The following TTC27 variants were observed in gnomAD, a reference collection of about 807,000 sequenced individuals.
The protein encoded by TTC27 is tetratricopeptide repeat protein 27.
A neutral mutation model predicts 115.9 loss-of-function variants in TTC27; 79 were observed. That is an observed-to-expected ratio of 0.68 (90% confidence interval 0.57 to 0.82). TTC27 has a LOEUF of 0.82. Ranked by LOEUF, TTC27 falls within the 40% of genes least tolerant of loss-of-function variation. The pLI, the probability that TTC27 is intolerant of heterozygous loss-of-function variation, is 0.00. For synonymous variants in TTC27, 401 were observed against 356.0 expected (o/e 1.13, Z -1.42); for missense variants, 1,054 against 993.1 (o/e 1.06, Z -0.82).
intron 16 of TTC27, among the ~76,000 whole-genome samples, chr2:32,806,737 C>T (rs1458302405): frequency 6.6e-6 from 1 of 151,644 alleles, no homozygotes; most frequent in Non-Finnish European, 1.5e-5. Flanking sequence ...GCCAAGATCG[C>T]GCCACTGCAC....
Position 32,635,688 on chromosome 2 carries a change from A to G in TTC27, c.396+1683A>G, listed in dbSNP as rs142126978. 1.6e-4 allele frequency among the ~76,000 whole-genome samples: 25 copies of G among 152,196 alleles called. 1 individual carries two copies. In the East Asian group the frequency reaches 4.6e-3, roughly 28 times the overall value. ...GACAGAGTGAGACTCCATTTCAAAA[A>G]AAGAAAAAAGAAAAAGAATTGGGTG... On this transcript the variant is annotated intron_variant, in intron 3 of 19. Coordinates refer to ENST00000317907, the MANE Select transcript of TTC27 (RefSeq NM_017735.5).
intron 9 of TTC27, among the ~76,000 whole-genome samples, chr2:32,698,338 C>T (rs928605851): frequency 6.6e-6 from 1 of 151,726 alleles, no homozygotes; most frequent in Non-Finnish European, 1.5e-5. Context: ...TGCTATGCTG[C>T]CCAGACTGAT....
At chr2:32,707,553 C>G (rs1216625350) in intron 10 of TTC27, among the ~76,000 whole-genome samples, 2 of 152,110 alleles carry the variant, frequency 1.3e-5, no homozygotes, top group Non-Finnish European at 2.9e-5. Context: ...ACTTTTTGAT[C>G]TTTTTGTTAT....
intron 10 of TTC27, among the ~76,000 whole-genome samples, chr2:32,719,544 G>A (rs759994918): frequency 9.9e-5 from 15 of 152,162 alleles, no homozygotes; most frequent in African/African-American, 1.4e-4. Flanking sequence ...GAAGAACATT[G>A]GGCAGGAATG....
At chr2:32,645,141 GTTAT>G (rs570395168) in intron 4 of TTC27, among the ~76,000 whole-genome samples, 100 of 152,164 alleles carry the variant, frequency 6.6e-4, no homozygotes, top group African/African-American at 2.3e-3. Context: ...AATGTATCAA[GTTAT>G]TTATGATGAT....
intron 10 of TTC27, among the ~76,000 whole-genome samples, chr2:32,703,407 C>T (rs1271213960): frequency 6.6e-6 from 1 of 152,138 alleles, no homozygotes; most frequent in East Asian, 1.9e-4. Context: ...GCAAAGGTCG[C>T]AGTGAGCCGA....
intron 11 of TTC27, among the ~76,000 whole-genome samples, chr2:32,735,747 C>A (rs1668433173): frequency 6.6e-6 from 1 of 152,074 alleles, no homozygotes; most frequent in African/African-American, 2.4e-5. Flanking sequence ...TGCATAAGCA[C>A]CAAGATTTAT....
chr2:32,671,793 T>A (rs1318095224), intron 7 of TTC27, among the ~76,000 whole-genome samples: 1 of 152,172 alleles, frequency 6.6e-6, no homozygotes, highest in East Asian at 1.9e-4. Context: ...GACACAGAGT[T>A]GGGAAGTTGA....
chr2:32,731,650 G>C (rs141601669), intron 10 of TTC27, among the ~76,000 whole-genome samples: 1 of 152,124 alleles, frequency 6.6e-6, no homozygotes, highest in Non-Finnish European at 1.5e-5. Flanking sequence ...AAGTGCTTGG[G>C]GTGGCACCCA....
intron 18 of TTC27, among the ~76,000 whole-genome samples, chr2:32,815,982 C>A (rs894657093): frequency 2.0e-5 from 3 of 152,128 alleles, no homozygotes; most frequent in African/African-American, 4.8e-5. Flanking sequence ...TTTTGCCAGG[C>A]ACAGGCAGCC....
At chr2:32,787,203 C>A in intron 16 of TTC27, 54 bp downstream of exon 16, 1 of 1,540,166 alleles carries the variant, frequency 6.5e-7, no homozygotes, top group South Asian at 1.3e-5. Context: ...AATCCTTGAT[C>A]ATATGGTATA....
chr2:32,759,431 CAT>C (rs1233990434), intron 13 of TTC27, among the ~76,000 whole-genome samples: 3 of 152,008 alleles, frequency 2.0e-5, no homozygotes, highest in Non-Finnish European at 4.4e-5. Flanking sequence ...TGGTAAAAAA[CAT>C]AGAAAAATTA....
Position 32,781,196 on chromosome 2 carries a change from G to A in TTC27, c.1780-1430G>A, listed in dbSNP as rs1049721629. Reference sequence around the variant, plus strand: ...TACGACAAGCAGTTCCAGCAGTCAGGCTGCTTTCATTTGGATATTTTAACA... The same window carrying A: ...TACGACAAGCAGTTCCAGCAGTCAGACTGCTTTCATTTGGATATTTTAACA... On this transcript the variant is annotated intron_variant, in intron 14 of 19. Coordinates refer to ENST00000317907, the MANE Select transcript of TTC27 (RefSeq NM_017735.5). Among the ~76,000 whole-genome samples, 3 of 152,256 alleles carry A rather than the reference G, an allele frequency of 2.0e-5. No homozygotes were observed. In the East Asian group the frequency reaches 5.8e-4, roughly 29 times the overall value.
intron 9 of TTC27, among the ~76,000 whole-genome samples, chr2:32,688,977 C>G (rs560641772): frequency 6.6e-6 from 1 of 152,102 alleles, no homozygotes; most frequent in Admixed American, 6.6e-5. Flanking sequence ...TCCATCAAAA[C>G]AAATGAGTGA....
chr2:32,794,314 CA>C (rs1210907186), intron 16 of TTC27, among the ~76,000 whole-genome samples: 4 of 151,940 alleles, frequency 2.6e-5, no homozygotes, highest in African/African-American at 9.6e-5. Context: ...AGAAAATTCA[CA>C]AAATTATGGA....
intron 5 of TTC27, among the ~76,000 whole-genome samples, chr2:32,657,295 C>T (rs1381487567): frequency 1.3e-5 from 2 of 151,800 alleles, no homozygotes; most frequent in Non-Finnish European, 2.9e-5. Flanking sequence ...TACATCTTGA[C>T]TTACTCTCTT....
chr2:32,720,520 A>C (rs936812860), intron 10 of TTC27, among the ~76,000 whole-genome samples: 1 of 152,184 alleles, frequency 6.6e-6, no homozygotes, highest in Non-Finnish European at 1.5e-5. Flanking sequence ...CCCAATGCCA[A>C]AGCTAACAGG....
At chr2:32,690,978 C>G (rs1423887247) in intron 9 of TTC27, among the ~76,000 whole-genome samples, 1 of 152,140 alleles carries the variant, frequency 6.6e-6, no homozygotes, top group African/African-American at 2.4e-5. Flanking sequence ...CAGGAGAGCT[C>G]TGAGCTGGCT....
At position 32,727,035 on chromosome 2, in the gene TTC27, C is replaced by T. The variant is rs138485366; in HGVS notation, c.1234-6793C>T. On this transcript the variant is annotated intron_variant, in intron 10 of 19. Transcript: ENST00000317907. The stretch of plus-strand genomic sequence containing the variant: ...TTGCCCCCGTGATTCAATTACCTCC[C>T]ACCGGGTCCCTCCCACAACATGTGG... 7.9e-3 allele frequency among the ~76,000 whole-genome samples: 1,209 copies of T among 152,252 alleles called. 21 individuals are homozygous for T. The highest frequency in any genetic ancestry group is 0.028 in the African/African-American group (1,152 of 41,538).
Sources: allele counts gnomAD v4.1 joint callset (sites outside exome capture counted in the v4.1 genomes callset), GRCh38; gene constraint gnomAD v4.1.1; transcripts MANE v1.5; gene names NCBI Gene and HGNC (gene_info 2026-07-23, HGNC 2026-07-21).